C1S: variants seen among roughly 807,000 people sequenced by gnomAD.
C1S encodes the protein complement C1s subcomponent.
Under a neutral mutation model 54.0 loss-of-function variants are expected in C1S, and 31 were observed. That is an observed-to-expected ratio of 0.57 (90% CI 0.43 to 0.78). The LOEUF (loss-of-function observed/expected upper bound fraction) is 0.78. Ranked by LOEUF, C1S falls within the 30% of genes least tolerant of loss-of-function variation. The pLI, the probability that C1S is intolerant of heterozygous loss-of-function variation, is 0.00. For synonymous variants in C1S, 292 were observed against 303.6 expected, an observed-to-expected ratio of 0.96 and a Z score of 0.40; for missense variants, 727 against 851.8, an observed-to-expected ratio of 0.85 and a Z score of 1.82.
intron 9 of C1S, 102 bp from the exon 10 acceptor site, chr12:7,067,541 T>C (rs1937702117): frequency 9.8e-6 from 13 of 1,321,360 alleles, no homozygotes; most frequent in African/African-American, 1.4e-5. Flanking sequence ...GGTGTGCCTG[T>C]GGATATGGGG....
Position 7,062,590 on chromosome 12 carries a change from G to C in C1S, c.121G>C (p.Asp41His), listed in dbSNP as rs1591575165. The stretch of plus-strand genomic sequence containing the variant: ...TCCCAGTGAGGTAGAGAAATCTTGG[G>C]ACATAGAAGTTCCTGAAGGGTATGG... ...AYPSEVEKSW[D>H]IEVPEGYGIH... The change falls in exon 3 of 12, where the codon GAC becomes CAC. Residue 41 changes from aspartate to histidine, a missense_variant. Asp to His is a moderately conservative substitution (Grantham distance 81, BLOSUM62 -1). Transcript: ENST00000360817. 2.5e-6 allele frequency: 4 copies of C among 1,614,128 alleles called. No homozygotes were observed. Among genetic ancestry groups the C allele is most frequent in the East Asian group, 2.2e-5 (1 of 44,888 alleles).
intron 2 of C1S, chr12:7,062,259 A>G: frequency 1.8e-6 from 1 of 542,662 alleles, no homozygotes; most frequent in Non-Finnish European, 3.2e-6. Flanking sequence ...TGACAGAGTG[A>G]GAACCTGTCT....
rs1296318804 is a variant in C1S, at chr12:7,063,073, G to A, written c.391+6G>A. On this transcript the variant is annotated splice_donor_region_variant and intron_variant, in intron 4 of 11. Coordinates refer to ENST00000360817, the MANE Select transcript of C1S (RefSeq NM_001734.5). ...TGCATACTATGTTGCCACAGGTAAGGCTCACCCTTCTGCATGTGCCTTATT... is the reference window on the plus strand; with the variant it reads ...TGCATACTATGTTGCCACAGGTAAGACTCACCCTTCTGCATGTGCCTTATT... 3 of 1,611,784 alleles carry A rather than the reference G, an allele frequency of 1.9e-6. No individual in the cohort carries two copies. In the South Asian group the frequency reaches 3.3e-5, roughly 18 times the overall value.
chr12:7,063,864 A>T (rs1258934102), intron 4 of C1S: 2 of 376,376 alleles, frequency 5.3e-6, no homozygotes, highest in Non-Finnish European at 5.3e-6. Context: ...GTCTCTACTA[A>T]AAATATGAAA....
In C1S at chr12:7,066,580, G is replaced by T; in HGVS notation, c.934G>T (p.Val312Phe). Residue 312 changes from valine (V) to phenylalanine (F), a missense_variant, in exon 8 of 12, where the codon GTC becomes TTC. By Grantham distance (50) the Val-to-Phe change is conservative. This residue lies in a region of C1S where 10 missense variants were observed against 32.8 expected (regional missense o/e 0.30). Transcript: ENST00000360817. ...TTGGGAGCCTGCGAAGGCAAAATATGTCTTTAGAGATGTGGTGCAGATAAC... is the reference window on the plus strand; with the variant it reads ...TTGGGAGCCTGCGAAGGCAAAATATTTCTTTAGAGATGTGGTGCAGATAAC... The part of the protein sequence containing the change: ...SVWEPAKAKY[V>F]FRDVVQITCL... 1 of 1,614,086 alleles carries T rather than the reference G, an allele frequency of 6.2e-7. No homozygotes were observed. The highest frequency in any genetic ancestry group is 1.3e-5 in the African/African-American group (1 of 75,054).
chr12:7,067,136 T>G lies in C1S; in HGVS notation c.1066+19T>G, dbSNP rs782377050. ...TGTCAACGTATGTGTCTCTTCAAAG[T>G]GGAAGTCTTTCTTTTTCTCTCAGAG... On this transcript the variant is annotated intron_variant, in intron 9 of 11. Coordinates refer to ENST00000360817, the MANE Select transcript of C1S (RefSeq NM_001734.5). The G allele has an allele frequency of 1.4e-6, 2 of 1,461,586 alleles. No homozygotes were observed. Among genetic ancestry groups the G allele is most frequent in the South Asian group, 2.3e-5 (2 of 88,006 alleles). The allele number at this position is 1,461,586 out of a possible 1,614,324, so 90.5% of individuals were successfully genotyped here.
At chr12:7,062,853 C>T in intron 3 of C1S, 37 bp from the exon 4 acceptor site, 1 of 1,605,174 alleles carries the variant, frequency 6.2e-7, no homozygotes, top group South Asian at 1.1e-5. Context: ...AAAATATTAC[C>T]CTTTCCTAGA....
intron 5 of C1S, among the ~76,000 whole-genome samples, chr12:7,064,794 T>C (rs1555161839): frequency 1.3e-5 from 2 of 152,154 alleles, no homozygotes; most frequent in African/African-American, 4.8e-5. Flanking sequence ...AGGAGGAAGA[T>C]AAGACTATAG....
At chr12:7,063,706 A>G (rs1263569897) in intron 4 of C1S, among the ~76,000 whole-genome samples, 1 of 152,170 alleles carries the variant, frequency 6.6e-6, no homozygotes, top group Admixed American at 6.5e-5. Flanking sequence ...TCTGTACATG[A>G]GAAAAGTCAA....
chr12:7,069,165 C>A (rs1475410649), intron 11 of C1S, among the ~76,000 whole-genome samples: 3 of 152,138 alleles, frequency 2.0e-5, no homozygotes, highest in African/African-American at 7.2e-5. Flanking sequence ...GGCTTTGAGC[C>A]CAGGTCTGTC....
chr12:7,065,469 C>A, intron 6 of C1S, 170 bp downstream of exon 6: 1 of 702,862 alleles, frequency 1.4e-6, no homozygotes, highest in Non-Finnish European at 2.6e-6. Context: ...AAGCGTCCCA[C>A]CTCAGCCTCC....
At chr12:7,065,071 G>C in intron 5 of C1S, 29 bp from the exon 6 acceptor site, 1 of 1,568,600 alleles carries the variant, frequency 6.4e-7, no homozygotes, top group Non-Finnish European at 8.8e-7. Flanking sequence ...CCCTGTATTT[G>C]ATTCTCCCTT....
Position 7,070,264 on chromosome 12 carries a change from G to A in C1S, c.1680G>A (p.Met560Ile). 3.1e-6 allele frequency: 5 copies of A among 1,614,194 alleles called. No homozygotes were observed. Among genetic ancestry groups the A allele is most frequent in the Non-Finnish European group, 4.2e-6 (5 of 1,180,010 alleles). Reference protein sequence around the residue: ...LPGTSSDYNLMDGDLGLISGW... With the variant: ...LPGTSSDYNLIDGDLGLISGW... ...GCACCTCTTCCGACTACAACCTCAT[G>A]GATGGGGACCTGGGACTGATCTCAG... The change falls in exon 12 of 12, where the codon ATG becomes ATA. Residue 560 changes from methionine to isoleucine, a missense_variant. Met to Ile is a conservative substitution (Grantham distance 10). Coordinates refer to ENST00000360817, the MANE Select transcript of C1S (RefSeq NM_001734.5). The surrounding 1 kb of genome is among the most constrained non-coding windows in gnomAD (Gnocchi z 4.9).
Position 7,065,171 on chromosome 12 carries a change from C to T in C1S, c.589C>T (p.Pro197Ser), listed in dbSNP as rs934893522. The change falls in exon 6 of 12, where the codon CCA (proline) becomes TCA (serine). Residue 197 changes from proline to serine, a missense_variant. This residue lies in a region of C1S where 357 missense variants were observed against 365.4 expected (regional missense o/e 0.98). Transcript: ENST00000360817. ...AAGTCCCAATTATCCCAAACCATAT[C>T]CAGAGAACTCAAGGTGTGAATACCA... ...IASPNYPKPYPENSRCEYQIR... is the reference protein window; with the variant it reads ...IASPNYPKPYSENSRCEYQIR... 6.2e-6 allele frequency: 10 copies of T among 1,613,960 alleles called. No homozygotes were observed. In the East Asian group the frequency reaches 2.0e-4, roughly 32 times the overall value.
rs1447712773 is a variant in C1S, at chr12:7,064,323, T to C, written c.448T>C (p.Phe150Leu). Residue 150 changes from phenylalanine to leucine, a missense_variant, in exon 5 of 12, where the codon TTC (phenylalanine) becomes CTC (leucine). Coordinates refer to ENST00000360817, the MANE Select transcript of C1S (RefSeq NM_001734.5). Reference sequence around the variant, plus strand: ...CCCTTGTAGCCACTTCTGCAACAATTTCATTGGTGGTTACTTCTGCTCCTG... The same window carrying C: ...CCCTTGTAGCCACTTCTGCAACAATCTCATTGGTGGTTACTTCTGCTCCTG... ...DVPCSHFCNNFIGGYFCSCPP... is the reference protein window; with the variant it reads ...DVPCSHFCNNLIGGYFCSCPP... The C allele has an allele frequency of 6.2e-7, 1 of 1,613,902 alleles. No individual in the cohort carries two copies.
At position 7,070,903 on chromosome 12, in the gene C1S, A is replaced by G; in HGVS notation, c.*252A>G. The G allele has an allele frequency of 1.9e-6, 1 of 522,116 alleles. No homozygotes were observed. Among genetic ancestry groups the G allele is most frequent in the Non-Finnish European group, 3.5e-6 (1 of 288,874 alleles). The allele number at this position is 522,116 out of a possible 1,614,324, so 32.3% of individuals were successfully genotyped here. A position where few individuals can be genotyped will look rare whatever the true frequency, so the allele number is the denominator to read the frequency against. ...TTGTAGATAACACTATGGGTGGGGC[A>G]CTCCTTTCTTGCACTATTCCACAGG... is the stretch of plus-strand genomic sequence containing the variant. On this transcript the variant is annotated 3_prime_UTR_variant, in exon 12 of 12. Transcript: ENST00000360817. The surrounding 1 kb of genome is among the most constrained non-coding windows in gnomAD (Gnocchi z 4.9).
intron 6 of C1S, 22 bp downstream of exon 6, chr12:7,065,321 C>A (rs1442344112): frequency 1.1e-5 from 17 of 1,569,012 alleles, no homozygotes; most frequent in African/African-American, 1.4e-5. Flanking sequence ...TTGATTAATA[C>A]CCCACCCTTA....
At chr12:7,067,915 A>G (rs1209720423) in intron 10 of C1S, 144 bp downstream of exon 10, 16 of 910,868 alleles carry the variant, frequency 1.8e-5, no homozygotes, top group African/African-American at 3.3e-5. Context: ...TCGTCCAAAG[A>G]TACAGTTTTC....
At chr12:7,065,731 T>G (rs1947165363) in intron 6 of C1S, 86 bp from the exon 7 acceptor site, 1 of 1,085,782 alleles carries the variant, frequency 9.2e-7, no homozygotes, top group Non-Finnish European at 1.4e-6. Context: ...TGACATTTAA[T>G]GCCTCTTTTA....
Sources: allele counts gnomAD v4.1 joint callset (sites outside exome capture counted in the v4.1 genomes callset), GRCh38; gene constraint gnomAD v4.1.1; regional missense constraint gnomAD v4.1.1; non-coding constraint Gnocchi (gnomAD v3.1); transcripts MANE v1.5; gene names NCBI Gene and HGNC (gene_info 2026-07-23, HGNC 2026-07-21).